Variants in AKAP13 observed in about 807,000 individuals in gnomAD.
The protein encoded by AKAP13 is A-kinase anchoring protein 13.
In AKAP13, 80 loss-of-function variants were observed where a neutral mutation model predicts 264.5. The observed-to-expected ratio is 0.30, with a 90% CI of 0.25 to 0.36. The LOEUF (loss-of-function observed/expected upper bound fraction) is 0.36. AKAP13 is among the 10% of genes least tolerant of loss of function. The pLI is 1.00. For missense variants in AKAP13, 3,712 were observed against 3,435.2 expected (o/e 1.08, Z -2.01); for synonymous variants, 1,380 against 1,250.2 (o/e 1.10, Z -2.19).
intron 8 of AKAP13, among the ~76,000 whole-genome samples, chr15:85,596,585 A>G (rs1217682027): frequency 1.3e-5 from 2 of 152,128 alleles, no homozygotes; most frequent in African/African-American, 4.8e-5. Context: ...CCCTGTCTCA[A>G]AATAAAATAA....
chr15:85,543,973 CTTAT>C lies in AKAP13; in HGVS notation c.662+21_662+24del. ...CTAACCGAGTAAGTGCTCCTTCTGC[CTTAT>C]TTCCCTCCTCTCATCCCCAGCCCCA... On this transcript the variant is annotated intron_variant, in intron 5 of 36. Coordinates refer to ENST00000394518, the MANE Select transcript of AKAP13 (RefSeq NM_007200.5). The C allele has an allele frequency of 6.2e-7, 1 of 1,610,716 alleles. No homozygotes were observed. The highest frequency in any genetic ancestry group is 8.5e-7 in the Non-Finnish European group (1 of 1,177,276).
At chr15:85,644,096 AC>A (rs2082432609) in intron 9 of AKAP13, among the ~76,000 whole-genome samples, 1 of 151,782 alleles carries the variant, frequency 6.6e-6, no homozygotes, top group South Asian at 2.1e-4. Flanking sequence ...GTTCTCTTTA[AC>A]TCCTAGATAG....
intron 8 of AKAP13, among the ~76,000 whole-genome samples, chr15:85,601,950 C>G (rs1211126935): frequency 6.6e-6 from 1 of 151,840 alleles, no homozygotes; most frequent in African/African-American, 2.4e-5. Flanking sequence ...TAATTTCTGA[C>G]TTAATATAAA....
intron 1 of AKAP13, among the ~76,000 whole-genome samples, chr15:85,409,419 C>A (rs796176450): frequency 3.3e-5 from 5 of 151,750 alleles, no homozygotes; most frequent in African/African-American, 1.2e-4. Context: ...CTCAGGTGAT[C>A]TGCCTGCCTC....
At chr15:85,552,140 T>C (rs1012014502) in intron 5 of AKAP13, among the ~76,000 whole-genome samples, 5 of 152,222 alleles carry the variant, frequency 3.3e-5, no homozygotes, top group African/African-American at 4.8e-5. Flanking sequence ...ATACAACCAA[T>C]CCTATGCATT....
intron 16 of AKAP13, among the ~76,000 whole-genome samples, chr15:85,689,204 G>A (rs2085122051): frequency 6.6e-6 from 1 of 152,146 alleles, no homozygotes; most frequent in Non-Finnish European, 1.5e-5. Flanking sequence ...TTTGTAACAG[G>A]ACATTCAGTT....
chr15:85,740,380 T>TG, intron 34 of AKAP13, 108 bp downstream of exon 34: 2 of 1,297,534 alleles, frequency 1.5e-6, no homozygotes, highest in East Asian at 4.7e-5. Flanking sequence ...AATGGATAAA[T>TG]GGGGCCCTCA....
chr15:85,657,416 ACT>A (rs1304243454), intron 11 of AKAP13, among the ~76,000 whole-genome samples: 1 of 151,760 alleles, frequency 6.6e-6, no homozygotes, highest in Non-Finnish European at 1.5e-5. Context: ...ATCTTTTCAG[ACT>A]CTCTTTATAA....
At position 85,726,463 on chromosome 15, in the gene AKAP13, C is replaced by G; in HGVS notation, c.6799C>G (p.Gln2267Glu). Reference protein sequence around the residue: ...DILVFLQEKDQKYIFASLDQK... With the variant: ...DILVFLQEKDEKYIFASLDQK... Reference sequence around the variant, plus strand: ...TTTAGTTTTCCTTCAAGAAAAAGACCAGAAGTACATCTTTGCATCATTGGT... The same window carrying G: ...TTTAGTTTTCCTTCAAGAAAAAGACGAGAAGTACATCTTTGCATCATTGGT... The change falls in exon 27 of 37, where the codon CAG becomes GAG. Residue 2267 changes from glutamine (Q) to glutamate (E), a missense_variant. This residue lies in a region of AKAP13 where 342 missense variants were observed against 484.3 expected (regional missense o/e 0.71). Coordinates refer to ENST00000394518, the MANE Select transcript of AKAP13 (RefSeq NM_007200.5). 6.2e-7 allele frequency: 1 copy of G among 1,613,298 alleles called. No homozygotes were observed. Among genetic ancestry groups the G allele is most frequent in the Non-Finnish European group, 8.5e-7 (1 of 1,179,432 alleles).
At chr15:85,480,692 C>G (rs1364613462) in intron 1 of AKAP13, among the ~76,000 whole-genome samples, 1 of 151,900 alleles carries the variant, frequency 6.6e-6, no homozygotes. Context: ...TTTCTTTCTT[C>G]TTATTTTTTT....
chr15:85,654,421 A>G (rs1040179501), intron 10 of AKAP13, among the ~76,000 whole-genome samples: 3 of 152,204 alleles, frequency 2.0e-5, no homozygotes, highest in African/African-American at 7.2e-5. Flanking sequence ...AACCTAACAC[A>G]TGATAAATTT....
chr15:85,625,131 A>G (rs778509240), intron 8 of AKAP13, among the ~76,000 whole-genome samples: 1 of 152,232 alleles, frequency 6.6e-6, no homozygotes, highest in Non-Finnish European at 1.5e-5. Flanking sequence ...TAAAAGATGT[A>G]GATGTTTAAT....
chr15:85,690,531 C>T (rs1178869258), intron 16 of AKAP13, among the ~76,000 whole-genome samples: 2 of 152,036 alleles, frequency 1.3e-5, no homozygotes, highest in Admixed American at 1.3e-4. Flanking sequence ...GTTTTTCTCC[C>T]TTCCTCTCTC....
intron 1 of AKAP13, among the ~76,000 whole-genome samples, chr15:85,476,282 G>A (rs1225736360): frequency 6.6e-6 from 1 of 152,138 alleles, no homozygotes; most frequent in Non-Finnish European, 1.5e-5. Context: ...GGTAGTGGGG[G>A]CATGGTGGAT....
Position 85,567,644 on chromosome 15 carries a change from C to G in AKAP13, c.663-7487C>G, listed in dbSNP as rs980505080. ...CCTCATTGGTCTCCATTCCCACATT[C>G]CTCTTCTGTGTGCATGTCCGGTTCT... On this transcript the variant is annotated intron_variant, in intron 5 of 36. Coordinates refer to ENST00000394518, the MANE Select transcript of AKAP13 (RefSeq NM_007200.5). Among the ~76,000 whole-genome samples the G allele has an allele frequency of 3.3e-5, 5 of 152,116 alleles. No individual in the cohort carries two copies. The South Asian group carries it at 1.0e-3, about 32-fold the overall frequency.
At chr15:85,448,894 A>T (rs2073990896) in intron 1 of AKAP13, among the ~76,000 whole-genome samples, 2 of 141,084 alleles carry the variant, frequency 1.4e-5, no homozygotes, top group Admixed American at 7.2e-5. Flanking sequence ...TTTTTTCCTC[A>T]GGTTCCATAT....
intron 3 of AKAP13, among the ~76,000 whole-genome samples, chr15:85,530,298 A>G (rs1000743417): frequency 2.0e-5 from 3 of 152,172 alleles, no homozygotes; most frequent in South Asian, 2.1e-4. Context: ...TTACTTTGGC[A>G]CTTCACAGTT....
chr15:85,406,396 G>T (rs868836330), intron 1 of AKAP13, among the ~76,000 whole-genome samples: 2 of 143,862 alleles, frequency 1.4e-5, no homozygotes, highest in African/African-American at 5.2e-5. Flanking sequence ...CTAGAAAATA[G>T]TTTTTTTTTT....
chr15:85,567,746 T>C (rs1202215933), intron 5 of AKAP13, among the ~76,000 whole-genome samples: 1 of 152,148 alleles, frequency 6.6e-6, no homozygotes, highest in African/African-American at 2.4e-5. Flanking sequence ...AGATTTTATT[T>C]GTTAACTGGC....
Sources: gnomAD v4.1 joint callset for allele counts (sites outside exome capture counted in the v4.1 genomes callset) on GRCh38, gnomAD v4.1.1 for gene constraint, gnomAD v4.1.1 regional missense constraint, MANE v1.5 for transcripts, NCBI Gene and HGNC (gene_info 2026-07-23, HGNC 2026-07-21) for gene names.